BIRC7: variants seen among roughly 807,000 people sequenced by gnomAD.
BIRC7 encodes baculoviral IAP repeat-containing protein 7.
BIRC7 carries 26 observed loss-of-function variants against 33.2 expected under a neutral mutation model. The ratio of observed to expected loss-of-function variants is 0.78; its 90% CI spans 0.57 to 1.09. The LOEUF (loss-of-function observed/expected upper bound fraction) is 1.09, where lower values mean the gene tolerates loss of function less well. BIRC7 is among the 50% of genes least tolerant of loss of function. BIRC7 has a pLI of 0.00. For missense variants in BIRC7, 409 were observed against 401.2 expected (o/e 1.02, Z -0.17); for synonymous variants, 176 against 171.0 (o/e 1.03, Z -0.23).
intron 1 of BIRC7, among the ~76,000 whole-genome samples, 183 bp downstream of exon 1, chr20:63,236,628 C>T (rs955087111): frequency 1.3e-5 from 2 of 152,226 alleles, no homozygotes; most frequent in East Asian, 1.9e-4. Context: ...CACCCTCCCC[C>T]GGAGTCTCTG....
At chr20:63,239,891 C>A (rs2123032320) in intron 6 of BIRC7, among the ~76,000 whole-genome samples, 1 of 152,364 alleles carries the variant, frequency 6.6e-6, no homozygotes, top group Non-Finnish European at 1.5e-5. Context: ...CTTGATTTTC[C>A]TCAGTGGTCA....
rs750005956 is a variant in BIRC7, at chr20:63,236,323, C to T, written c.227C>T (p.Ser76Phe). ...EEEEGAGATL[S>F]RGPAFPGMGS... is the part of the protein sequence containing the mutation. ...GAGGAGGGCGCCGGGGCCACCTTGT[C>T]CAGGGGGCCTGCCTTCCCCGGCATG... Residue 76 changes from serine to phenylalanine, a missense_variant, in exon 1 of 7, where the codon TCC (serine) becomes TTC (phenylalanine). Physicochemically the swap from Ser to Phe is radical, Grantham distance 155. Coordinates refer to ENST00000217169, the MANE Select transcript of BIRC7 (RefSeq NM_139317.3). The T allele has an allele frequency of 6.2e-7, 1 of 1,607,292 alleles. No individual in the cohort carries two copies. Among genetic ancestry groups the T allele is most frequent in the South Asian group, 1.1e-5 (1 of 90,924 alleles).
chr20:63,238,001 A>T lies in BIRC7; in HGVS notation c.448A>T (p.Ser150Cys). Residue 150 changes from serine (S) to cysteine (C), a missense_variant and splice_region_variant, in exon 2 of 7, where the codon AGC becomes TGC. Transcript: ENST00000217169. ...PWTEHAKWFP[S>C]CQFLLRSKGR... ...GACGGAGCATGCCAAGTGGTTCCCC[A>T]GGTACCGGCTGCCCCTGCGGGGCCC... is the stretch of plus-strand genomic sequence containing the variant. 6.3e-7 allele frequency: 1 copy of T among 1,591,376 alleles called. No homozygotes were observed. Among genetic ancestry groups the T allele is most frequent in the East Asian group, 2.3e-5 (1 of 44,294 alleles).
chr20:63,237,839 G>A (rs530794445), intron 1 of BIRC7, 64 bp from the exon 2 acceptor site: 3 of 1,423,012 alleles, frequency 2.1e-6, no homozygotes, highest in South Asian at 2.7e-5. Context: ...GCCTTGGAAG[G>A]ACACACCGGG....
intron 1 of BIRC7, among the ~76,000 whole-genome samples, chr20:63,237,567 G>T (rs2066698522): frequency 6.6e-6 from 1 of 152,110 alleles, no homozygotes; most frequent in Admixed American, 6.5e-5. Context: ...CTGGGGAGGG[G>T]CCCTTCTGGC....
In BIRC7 at chr20:63,238,549, T is replaced by A; in HGVS notation, c.532-20T>A. 6.2e-7 allele frequency: 1 copy of A among 1,613,162 alleles called. No homozygotes were observed. ...CCCCTCCTATTTCCCCAAGGCCTGATGGTCTCTGGCTCCTTCCAGGACCCG... is the reference window on the plus strand; with the variant it reads ...CCCCTCCTATTTCCCCAAGGCCTGAAGGTCTCTGGCTCCTTCCAGGACCCG... On this transcript the variant is annotated intron_variant, in intron 3 of 6. Transcript: ENST00000217169.
At chr20:63,238,676 C>A in intron 4 of BIRC7, 62 bp downstream of exon 4, 1 of 1,587,112 alleles carries the variant, frequency 6.3e-7, no homozygotes. Context: ...TTGGCCAAGG[C>A]CACTGGGTGT....
rs1396657123 is a variant in BIRC7 at position 63,239,700 on chromosome 20, C to T, written c.*5+90C>T. ...CGGCCCTCCTGAACCCATGCAGGCC[C>T]TTCCCGGGTGGCAGCGTCAGCTTGT... On this transcript the variant is annotated intron_variant, in intron 6 of 6. Transcript: ENST00000217169. 8 of 1,437,168 alleles carry T rather than the reference C, an allele frequency of 5.6e-6. No individual in the cohort carries two copies. In the East Asian group the frequency reaches 2.0e-4, roughly 36 times the overall value. The allele number at this position is 1,437,168 out of a possible 1,614,324, so 89.0% of individuals were successfully genotyped here.
Position 63,237,961 on chromosome 20 carries a change from CG to C in BIRC7, c.412del (p.Asp138ThrfsTer225). Reference protein sequence around the residue: ...CYGGLQSWKRGDDPWTEHAKW... With the variant: ...CYGGLQSWKRXDDPWTEHAKW... The stretch of plus-strand genomic sequence containing the variant: ...ATGGGGGCCTGCAGAGCTGGAAGCG[CG>C]GGGACGACCCCTGGACGGAGCATGC... On this transcript the variant is annotated frameshift_variant, in exon 2 of 7. Transcript: ENST00000217169. LOFTEE classifies it high-confidence loss of function. The C allele has an allele frequency of 1.2e-6, 2 of 1,608,916 alleles. No individual in the cohort carries two copies. Among genetic ancestry groups the C allele is most frequent in the East Asian group, 4.5e-5 (2 of 44,686 alleles).
Position 63,239,538 on chromosome 20 carries a change from C to T in BIRC7, c.830C>T (p.Pro277Leu). ...CACCTGGTCTGTGCTGAGTGTGCCC[C>T]CGGCCTGCAGCTGTGCCCCATCTGC... ...CGHLVCAECA[P>L]GLQLCPICRA... The change falls in exon 6 of 7, where the codon CCC (proline) becomes CTC (leucine). Residue 277 changes from proline to leucine, a missense_variant. Coordinates refer to ENST00000217169, the MANE Select transcript of BIRC7 (RefSeq NM_139317.3). 6.2e-7 allele frequency: 1 copy of T among 1,604,300 alleles called. No individual in the cohort carries two copies. Among genetic ancestry groups the T allele is most frequent in the Non-Finnish European group, 8.5e-7 (1 of 1,179,740 alleles).
Position 63,238,280 on chromosome 20 carries a change from C to T in BIRC7, c.450-116C>T, listed in dbSNP as rs1271828960. ...CAGCAGCCCTCCTCGCCCATGCCCA[C>T]GGGCACTGCAGGGTGGCGGGAGGAG... On this transcript the variant is annotated intron_variant, in intron 2 of 6. Transcript: ENST00000217169. 9 of 1,276,002 alleles carry T rather than the reference C, an allele frequency of 7.1e-6. No individual in the cohort carries two copies. The East Asian group carries it at 7.3e-5, about 10-fold the overall frequency. 79.0% of individuals were successfully genotyped at this position (1,276,002 alleles called of 1,614,324 possible).
In BIRC7 at chr20:63,236,289, G is replaced by A. The variant is rs746868416; in HGVS notation, c.193G>A (p.Glu65Lys). Reference sequence around the variant, plus strand: ...GGGCCAGCTGCGGCCCCTGACAGAGGAGGAAGAGGAGGAGGGCGCCGGGGC... The same window carrying A: ...GGGCCAGCTGCGGCCCCTGACAGAGAAGGAAGAGGAGGAGGGCGCCGGGGC... Reference protein sequence around the residue: ...ILGQLRPLTEEEEEEGAGATL... With the variant: ...ILGQLRPLTEKEEEEGAGATL... The change falls in exon 1 of 7, where the codon GAG becomes AAG. Residue 65 changes from glutamate to lysine, a missense_variant. Coordinates refer to ENST00000217169, the MANE Select transcript of BIRC7 (RefSeq NM_139317.3). 1.6e-5 allele frequency: 25 copies of A among 1,611,420 alleles called. 2 individuals carry two copies. In the South Asian group the frequency reaches 2.1e-4, roughly 13 times the overall value.
chr20:63,237,486 C>T (rs1460002169), intron 1 of BIRC7, among the ~76,000 whole-genome samples: 1 of 152,166 alleles, frequency 6.6e-6, no homozygotes, highest in Non-Finnish European at 1.5e-5. Flanking sequence ...GCAAGCCTGG[C>T]CCCAGACTGG....
At position 63,238,444 on chromosome 20, in the gene BIRC7, G is replaced by A. The variant is rs768567221; in HGVS notation, c.498G>A (p.Val166=). The A allele has an allele frequency of 4.3e-6, 7 of 1,612,570 alleles. No homozygotes were observed. The South Asian group carries it at 7.7e-5, about 18-fold the overall frequency. Reference sequence around the variant, plus strand: ...AAGGAAGAGACTTTGTCCACAGTGTGCAGGAGACTCACTCCCAGCTGCTGG... The same window carrying A: ...AAGGAAGAGACTTTGTCCACAGTGTACAGGAGACTCACTCCCAGCTGCTGG... ...RSKGRDFVHS[V]QETHSQLLGS... is the part of the protein sequence containing the mutation. The change falls in exon 3 of 7, where the codon GTG becomes GTA. Residue 166 remains valine, a synonymous_variant. Transcript: ENST00000217169.
rs756960663 is a variant in BIRC7 at position 63,238,431 on chromosome 20, T to G, written c.485T>G (p.Phe162Cys). The G allele has an allele frequency of 8.1e-6, 13 of 1,612,476 alleles. No individual in the cohort carries two copies. Among genetic ancestry groups the G allele is most frequent in the Non-Finnish European group, 1.1e-5 (13 of 1,179,966 alleles). ...QFLLRSKGRDFVHSVQETHSQ... is the reference protein window; with the variant it reads ...QFLLRSKGRDCVHSVQETHSQ... ...CTGCTCCGGTCAAAAGGAAGAGACT[T>G]TGTCCACAGTGTGCAGGAGACTCAC... is the stretch of plus-strand genomic sequence containing the variant. Residue 162 changes from phenylalanine to cysteine, a missense_variant, in exon 3 of 7, where the codon TTT becomes TGT. Phe to Cys is a radical substitution (Grantham distance 205). Coordinates refer to ENST00000217169, the MANE Select transcript of BIRC7 (RefSeq NM_139317.3).
At position 63,239,469 on chromosome 20, in the gene BIRC7, T is replaced by C. The variant is rs1452313407; in HGVS notation, c.761T>C (p.Val254Ala). The C allele has an allele frequency of 1.2e-6, 2 of 1,606,716 alleles. No individual in the cohort carries two copies. The highest frequency in any genetic ancestry group is 1.7e-6 in the Non-Finnish European group (2 of 1,179,858). Residue 254 changes from valine to alanine, a missense_variant, in exon 6 of 7, where the codon GTG becomes GCG. Physicochemically the swap from Val to Ala is moderately conservative, Grantham distance 64. Transcript: ENST00000217169. Reference protein sequence around the residue: ...RRLQEERTCKVCLDRAVSIVF... With the variant: ...RRLQEERTCKACLDRAVSIVF... ...CTGCAGGAGGAGAGGACGTGCAAGGTGTGCCTGGACCGCGCCGTGTCCATC... is the reference window on the plus strand; with the variant it reads ...CTGCAGGAGGAGAGGACGTGCAAGGCGTGCCTGGACCGCGCCGTGTCCATC...
intron 4 of BIRC7, 93 bp downstream of exon 4, chr20:63,238,707 G>T: frequency 6.6e-7 from 1 of 1,517,502 alleles, no homozygotes; most frequent in South Asian, 1.1e-5. Flanking sequence ...CCAGACAGCA[G>T]GGAGAGTGAC....
In BIRC7 at chr20:63,235,906, C is replaced by T; in HGVS notation, c.-191C>T. ...GTGACCCCAGAGGCCACCCTGGCCA[C>T]TTCCAGAAAGCTGTGGGCCCTGGGA... is the stretch of plus-strand genomic sequence containing the variant. On this transcript the variant is annotated 5_prime_UTR_variant, in exon 1 of 7. Coordinates refer to ENST00000217169, the MANE Select transcript of BIRC7 (RefSeq NM_139317.3). The T allele has an allele frequency of 2.8e-6, 2 of 709,436 alleles. No individual in the cohort carries two copies. Among genetic ancestry groups the T allele is most frequent in the Non-Finnish European group, 2.2e-6 (1 of 461,608 alleles). The allele number at this position is 709,436 out of a possible 1,614,324, so 43.9% of individuals were successfully genotyped here. A position where few individuals can be genotyped will look rare whatever the true frequency, so the allele number is the denominator to read the frequency against.
At chr20:63,239,684 T>G in intron 6 of BIRC7, 74 bp downstream of exon 6, 2 of 1,491,446 alleles carry the variant, frequency 1.3e-6, no homozygotes, top group East Asian at 2.4e-5. Flanking sequence ...CCGGCCCTCC[T>G]GAACCCATGC....
Sources: gnomAD v4.1 joint callset for allele counts (sites outside exome capture counted in the v4.1 genomes callset) on GRCh38, gnomAD v4.1.1 for gene constraint, MANE v1.5 for transcripts, NCBI Gene and HGNC (gene_info 2026-07-23, HGNC 2026-07-21) for gene names.